TM9SF3: variants seen among roughly 807,000 people sequenced by gnomAD.
TM9SF3 encodes SM-11044-binding protein.
TM9SF3 carries 14 observed loss-of-function variants against 78.6 expected under a neutral mutation model. That is an observed-to-expected ratio of 0.18 (90% CI 0.12 to 0.28). TM9SF3 has a LOEUF of 0.28. Ranked by LOEUF, TM9SF3 falls within the 10% of genes least tolerant of loss-of-function variation. TM9SF3 has a pLI of 1.00. For missense variants in TM9SF3, 496 were observed against 721.9 expected, an observed-to-expected ratio of 0.69 and a Z score of 3.59; for synonymous variants, 231 against 241.7, an observed-to-expected ratio of 0.96 and a Z score of 0.41.
chr10:96,575,621 A>G (rs1848488153), intron 2 of TM9SF3, among the ~76,000 whole-genome samples: 1 of 152,150 alleles, frequency 6.6e-6, no homozygotes, highest in South Asian at 2.1e-4. Context: ...ACTAAATAAT[A>G]ACATCTTTAG....
chr10:96,552,210 G>C (rs1046766137), intron 6 of TM9SF3, among the ~76,000 whole-genome samples: 1 of 152,094 alleles, frequency 6.6e-6, no homozygotes, highest in Non-Finnish European at 1.5e-5. Flanking sequence ...ACAGCACTTT[G>C]GGAGGCCAAG....
At chr10:96,579,017 C>T (rs1164899588) in intron 1 of TM9SF3, among the ~76,000 whole-genome samples, 1 of 152,192 alleles carries the variant, frequency 6.6e-6, no homozygotes, top group African/African-American at 2.4e-5. Flanking sequence ...GTGGAGGTTG[C>T]AGTGAGCCTG....
intron 9 of TM9SF3, among the ~76,000 whole-genome samples, chr10:96,543,204 T>G (rs1848054679): frequency 6.6e-6 from 1 of 152,258 alleles, no homozygotes; most frequent in African/African-American, 2.4e-5. Context: ...GACCGTGGGT[T>G]AACTCATTTT....
At position 96,586,753 on chromosome 10, in the gene TM9SF3, GC is replaced by G; in HGVS notation, c.82del (p.Ala28ArgfsTer18). 1 of 1,275,854 alleles carries G rather than the reference GC, an allele frequency of 7.8e-7. No individual in the cohort carries two copies. Among genetic ancestry groups the G allele is most frequent in the Non-Finnish European group, 9.9e-7 (1 of 1,012,506 alleles). The allele number at this position is 1,275,854 out of a possible 1,614,324, so 79.0% of individuals were successfully genotyped here. ...LLLLLLPRTRADEHEHTYQDK... is the reference protein window; with the variant it reads ...LLLLLLPRTRXDEHEHTYQDK... ...CCTCACCGTGTGTTCGTGCTCGTCC[GC>G]CCGGGTCCGGGGCAGCAGCAGCAGC... is the stretch of plus-strand genomic sequence containing the variant. On this transcript the variant is annotated frameshift_variant, in exon 1 of 15. Coordinates refer to ENST00000371142, the MANE Select transcript of TM9SF3 (RefSeq NM_020123.4). LOFTEE classifies it high-confidence loss of function.
chr10:96,553,815 A>T (rs898659312), intron 5 of TM9SF3, among the ~76,000 whole-genome samples: 3 of 152,202 alleles, frequency 2.0e-5, no homozygotes, highest in Non-Finnish European at 4.4e-5. Flanking sequence ...CTGATTCATA[A>T]TCACAAGGTA....
At position 96,519,842 on chromosome 10, in the gene TM9SF3, C is replaced by A. The variant is rs949832801; in HGVS notation, c.*2421G>T. The A allele has an allele frequency of 6.6e-6, 1 of 151,816 alleles. No individual in the cohort carries two copies. Among genetic ancestry groups the A allele is most frequent in the Non-Finnish European group, 1.5e-5 (1 of 67,796 alleles). The allele number at this position is 151,816 out of a possible 1,614,324, so 9.4% of individuals were successfully genotyped here. On this transcript the variant is annotated 3_prime_UTR_variant, in exon 15 of 15. Coordinates refer to ENST00000371142, the MANE Select transcript of TM9SF3 (RefSeq NM_020123.4). ...CCCTCTATGCAGCCAAAAACCAATA[C>A]AAGTCCTTTTCTAAAAGACTTTAAA...
intron 8 of TM9SF3, among the ~76,000 whole-genome samples, chr10:96,546,974 G>A (rs974545522): frequency 1.3e-5 from 2 of 152,110 alleles, no homozygotes; most frequent in African/African-American, 4.8e-5. Flanking sequence ...TCAGACTACT[G>A]CAGGGAATAC....
chr10:96,522,194 G>C lies in TM9SF3; in HGVS notation c.*69C>G. 2.9e-6 allele frequency: 4 copies of C among 1,355,972 alleles called. No homozygotes were observed. The South Asian group carries it at 5.2e-5, about 18-fold the overall frequency. The allele number at this position is 1,355,972 out of a possible 1,614,324, so 84.0% of individuals were successfully genotyped here. On this transcript the variant is annotated 3_prime_UTR_variant, in exon 15 of 15. Transcript: ENST00000371142. The stretch of plus-strand genomic sequence containing the variant: ...CCCAAATCTCTTCTTGCGTTTGTTT[G>C]TTTTTGCTGTGCAAGTTCCACCCCT...
intron 8 of TM9SF3, 69 bp from the exon 9 acceptor site, chr10:96,544,275 A>G: frequency 7.5e-7 from 1 of 1,327,744 alleles, no homozygotes; most frequent in South Asian, 1.6e-5. Flanking sequence ...TTGAAATTTT[A>G]ATATAAAGAT....
chr10:96,548,419 T>C (rs1027039024), intron 7 of TM9SF3, among the ~76,000 whole-genome samples: 1 of 152,214 alleles, frequency 6.6e-6, no homozygotes, highest in Non-Finnish European at 1.5e-5. Context: ...CAAACAGAAA[T>C]AAAACAGTAG....
chr10:96,567,241 G>A (rs1343476214), intron 2 of TM9SF3, among the ~76,000 whole-genome samples: 1 of 151,696 alleles, frequency 6.6e-6, no homozygotes, highest in Non-Finnish European at 1.5e-5. Flanking sequence ...TATGCCACCA[G>A]GCCCGACTAA....
intron 7 of TM9SF3, among the ~76,000 whole-genome samples, chr10:96,549,956 A>G (rs1253025002): frequency 1.3e-5 from 2 of 152,154 alleles, no homozygotes; most frequent in African/African-American, 2.4e-5. Context: ...TCAATTCGAT[A>G]GTGATTAACT....
chr10:96,527,160 G>T, intron 14 of TM9SF3, 53 bp downstream of exon 14: 1 of 1,476,520 alleles, frequency 6.8e-7, no homozygotes, highest in Non-Finnish European at 9.3e-7. Flanking sequence ...GTATTTTTCG[G>T]ATTTAGAGAA....
At chr10:96,565,230 C>A in intron 3 of TM9SF3, 74 bp downstream of exon 3, 1 of 1,354,990 alleles carries the variant, frequency 7.4e-7, no homozygotes, top group Non-Finnish European at 9.7e-7. Flanking sequence ...TACACAATCA[C>A]CTTAACAGAG....
At chr10:96,541,496 G>A (rs1848031237) in intron 9 of TM9SF3, among the ~76,000 whole-genome samples, 1 of 151,778 alleles carries the variant, frequency 6.6e-6, no homozygotes, top group South Asian at 2.1e-4. Flanking sequence ...CGATTCTCCT[G>A]CCTCAGCCTC....
chr10:96,548,627 G>A (rs1012319678), intron 7 of TM9SF3, among the ~76,000 whole-genome samples: 2 of 151,582 alleles, frequency 1.3e-5, no homozygotes, highest in South Asian at 2.1e-4. Flanking sequence ...GCAAAACCCC[G>A]CCTCTACTAA....
At position 96,586,942 on chromosome 10, in the gene TM9SF3, G is replaced by C. The variant is rs1222054284; in HGVS notation, c.-107C>G. On this transcript the variant is annotated 5_prime_UTR_variant, in exon 1 of 15. Transcript: ENST00000371142. The stretch of plus-strand genomic sequence containing the variant: ...CGGCCGATTCGCATCCACGGGGCGC[G>C]GACAGACGCACGGGGCCCGGCCCAG... 6 of 924,472 alleles carry C rather than the reference G, an allele frequency of 6.5e-6. No individual in the cohort carries two copies. The highest frequency in any genetic ancestry group is 8.1e-6 in the Non-Finnish European group (6 of 736,974). 57.3% of individuals were successfully genotyped at this position (924,472 alleles called of 1,614,324 possible).
In TM9SF3 at chr10:96,533,159, A is replaced by G. The variant is rs1338825681; in HGVS notation, c.1217T>C (p.Ile406Thr). 6.2e-7 allele frequency: 1 copy of G among 1,614,074 alleles called. No homozygotes were observed. The change falls in exon 10 of 15, where the codon ATT (isoleucine) becomes ACT (threonine). Residue 406 changes from isoleucine (I) to threonine (T), a missense_variant. Coordinates refer to ENST00000371142, the MANE Select transcript of TM9SF3 (RefSeq NM_020123.4). ...TGTACCAACAAGATTTAGAGGAAGAATAACAAAAAAACAGATGCAACAAAC... is the reference window on the plus strand; with the variant it reads ...TGTACCAACAAGATTTAGAGGAAGAGTAACAAAAAAACAGATGCAACAAAC... ...VAVCCICFFV[I>T]LPLNLVGTIL...
chr10:96,537,079 C>T (rs1412211463), intron 9 of TM9SF3, among the ~76,000 whole-genome samples: 1 of 152,178 alleles, frequency 6.6e-6, no homozygotes, highest in African/African-American at 2.4e-5. Flanking sequence ...CAACAGCAGG[C>T]TTATTCGTAG....
Sources: allele counts gnomAD v4.1 joint callset (sites outside exome capture counted in the v4.1 genomes callset), GRCh38; gene constraint gnomAD v4.1.1; transcripts MANE v1.5; gene names NCBI Gene and HGNC (gene_info 2026-07-23, HGNC 2026-07-21).